Variants in RDH12 observed in about 807,000 individuals in gnomAD.
RDH12 encodes all-trans and 9-cis retinol dehydrogenase.
RDH12 carries 21 observed loss-of-function variants against 34.0 expected under a neutral mutation model. The ratio of observed to expected loss-of-function variants is 0.62; its 90% CI spans 0.44 to 0.89. The LOEUF (loss-of-function observed/expected upper bound fraction) is 0.89, where lower values mean the gene tolerates loss of function less well. Ranked by LOEUF, RDH12 falls within the 40% of genes least tolerant of loss-of-function variation. The pLI is 0.00. For synonymous variants in RDH12, 198 were observed against 169.9 expected (o/e 1.17, Z -1.29); for missense variants, 394 against 398.6 (o/e 0.99, Z 0.10).
intron 1 of RDH12, among the ~76,000 whole-genome samples, chr14:67,713,398 A>C (rs1594860707): frequency 5.8e-4 from 1 of 1,718 alleles, no homozygotes; most frequent in Non-Finnish European, 2.7e-3. Flanking sequence ...GTAAAACTCC[A>C]AAAAAAAAAA....
chr14:67,708,949 C>A (rs1318211644), intron 1 of RDH12, among the ~76,000 whole-genome samples: 1 of 152,050 alleles, frequency 6.6e-6, no homozygotes, highest in Non-Finnish European at 1.5e-5. Context: ...TGCGCCACCA[C>A]ACCCAGCTAA....
In RDH12 at chr14:67,725,102, C is replaced by A; in HGVS notation, c.191C>A (p.Ala64Asp). The change falls in exon 5 of 9, where the codon GCC becomes GAC. Residue 64 changes from alanine to aspartate, a missense_variant. Ala to Asp is a moderately radical substitution (Grantham distance 126). Coordinates refer to ENST00000551171, the MANE Select transcript of RDH12 (RefSeq NM_152443.3). ...TCTTTTTTTGTCTTGGACCCAGGAG[C>A]CCGAGTCTATATTGCCTGCAGAGAT... ...ETARELASRGARVYIACRDVL... is the reference protein window; with the variant it reads ...ETARELASRGDRVYIACRDVL... The A allele has an allele frequency of 6.2e-7, 1 of 1,614,156 alleles. No individual in the cohort carries two copies.
intron 1 of RDH12, among the ~76,000 whole-genome samples, chr14:67,709,213 A>T (rs1325881151): frequency 6.6e-6 from 1 of 152,260 alleles, no homozygotes; most frequent in African/African-American, 2.4e-5. Flanking sequence ...TTAATAGGTC[A>T]TTGTGAAATA....
chr14:67,724,151 T>C (rs1294425312), intron 3 of RDH12, among the ~76,000 whole-genome samples: 3 of 152,226 alleles, frequency 2.0e-5, no homozygotes, highest in African/African-American at 4.8e-5. Context: ...CTCTGGAACC[T>C]CTAGAGATAA....
At chr14:67,706,922 C>T (rs904086324) in intron 1 of RDH12, among the ~76,000 whole-genome samples, 1 of 152,194 alleles carries the variant, frequency 6.6e-6, no homozygotes, top group African/African-American at 2.4e-5. Context: ...TGTGAAGTCT[C>T]ATGTCCTATG....
chr14:67,719,113 G>A (rs1356557757), intron 1 of RDH12, among the ~76,000 whole-genome samples: 1 of 152,190 alleles, frequency 6.6e-6, no homozygotes, highest in African/African-American at 2.4e-5. Flanking sequence ...TCATATCGGA[G>A]TTATCCTTTT....
rs568731074 is a variant in RDH12, at chr14:67,724,594, A to G, written c.187+3A>G. The G allele has an allele frequency of 8.1e-6, 13 of 1,607,910 alleles. No homozygotes were observed. The African/African-American group carries it at 1.5e-4, about 18-fold the overall frequency. On this transcript the variant is annotated splice_donor_region_variant and intron_variant, in intron 4 of 8. Coordinates refer to ENST00000551171, the MANE Select transcript of RDH12 (RefSeq NM_152443.3). Reference sequence around the variant, plus strand: ...GGCCAGAGAGCTCGCTAGCCGAGGTAAGTGTTTCCCCTTTAGTCTCCAAAG... The same window carrying G: ...GGCCAGAGAGCTCGCTAGCCGAGGTGAGTGTTTCCCCTTTAGTCTCCAAAG...
chr14:67,732,664 C>T (rs1359214175), intron 8 of RDH12, among the ~76,000 whole-genome samples: 1 of 152,074 alleles, frequency 6.6e-6, no homozygotes, highest in East Asian at 1.9e-4. Flanking sequence ...GCAACCTCTG[C>T]CTCCTGGGTT....
intron 1 of RDH12, among the ~76,000 whole-genome samples, chr14:67,705,451 T>C (rs951662633): frequency 6.6e-6 from 1 of 152,202 alleles, no homozygotes; most frequent in Admixed American, 6.5e-5. Flanking sequence ...AGAAATGCTA[T>C]GTAAGCCATG....
At chr14:67,703,624 A>T (rs1035061536) in intron 1 of RDH12, among the ~76,000 whole-genome samples, 8 of 152,214 alleles carry the variant, frequency 5.3e-5, no homozygotes, top group African/African-American at 1.9e-4. Context: ...TAAGATGTGC[A>T]CAACAATGGG....
rs968245967 is a variant in RDH12, at chr14:67,710,751, C to T, written c.-275+8816C>T. 4.6e-5 allele frequency among the ~76,000 whole-genome samples: 7 copies of T among 150,932 alleles called. 1 individual carries two copies. Among genetic ancestry groups the T allele is most frequent in the African/African-American group, 1.7e-4 (7 of 41,072 alleles). Reference sequence around the variant, plus strand: ...CTTTTTTTTTTAGAAAGAACGTTTTCCTACAATTATATTTTTATTAGAAAA... The same window carrying T: ...CTTTTTTTTTTAGAAAGAACGTTTTTCTACAATTATATTTTTATTAGAAAA... On this transcript the variant is annotated intron_variant, in intron 1 of 8. Coordinates refer to ENST00000551171, the MANE Select transcript of RDH12 (RefSeq NM_152443.3).
At chr14:67,707,363 C>T (rs1025087374) in intron 1 of RDH12, among the ~76,000 whole-genome samples, 3 of 152,162 alleles carry the variant, frequency 2.0e-5, no homozygotes, top group African/African-American at 7.2e-5. Context: ...TTACTAAAGA[C>T]AAATTATGGT....
chr14:67,722,261 A>T (rs190796905), intron 2 of RDH12, among the ~76,000 whole-genome samples, 163 bp from the exon 3 acceptor site: 2 of 152,196 alleles, frequency 1.3e-5, no homozygotes, highest in Admixed American at 1.3e-4. Flanking sequence ...TATATATTCC[A>T]TCTTGCAGTA....
At chr14:67,716,801 T>C (rs1270352701) in intron 1 of RDH12, among the ~76,000 whole-genome samples, 2 of 151,868 alleles carry the variant, frequency 1.3e-5, no homozygotes, top group Admixed American at 1.3e-4. Context: ...GGAGAATTGC[T>C]TGGGCCCGGG....
intron 1 of RDH12, among the ~76,000 whole-genome samples, chr14:67,715,669 T>C (rs2140125621): frequency 1.3e-5 from 2 of 152,352 alleles, no homozygotes; most frequent in African/African-American, 4.8e-5. Context: ...AAGTATCTTC[T>C]GAAGGAGTGA....
intron 1 of RDH12, among the ~76,000 whole-genome samples, chr14:67,712,367 G>T (rs531537478): frequency 3.0e-4 from 45 of 151,838 alleles, no homozygotes; most frequent in African/African-American, 9.9e-4. Context: ...GTTGTTTTTT[G>T]TTTTTTAATA....
In RDH12 at chr14:67,733,946, C is replaced by A; in HGVS notation, c.*98C>A. On this transcript the variant is annotated 3_prime_UTR_variant, in exon 9 of 9. Coordinates refer to ENST00000551171, the MANE Select transcript of RDH12 (RefSeq NM_152443.3). ...CCTAAAGGATTGTCCTCTTGGCCAG[C>A]TGGTGCTGCGAATCCTGCCTGCTCT... 1 of 870,558 alleles carries A rather than the reference C, an allele frequency of 1.1e-6. No homozygotes were observed. The highest frequency in any genetic ancestry group is 1.9e-6 in the Non-Finnish European group (1 of 530,828). 53.9% of individuals were successfully genotyped at this position (870,558 alleles called of 1,614,324 possible).
chr14:67,724,426 A>G, intron 3 of RDH12, 47 bp from the exon 4 acceptor site: 1 of 1,057,658 alleles, frequency 9.5e-7, no homozygotes, highest in Non-Finnish European at 1.4e-6. Context: ...TCTTAGTGTG[A>G]GCTCGTGAAG....
At chr14:67,719,081 T>G (rs2038096691) in intron 1 of RDH12, among the ~76,000 whole-genome samples, 1 of 152,228 alleles carries the variant, frequency 6.6e-6, no homozygotes, top group Admixed American at 6.5e-5. Context: ...TAAGACTGTT[T>G]AGGAGAAGGA....
Sources: allele counts gnomAD v4.1 joint callset (sites outside exome capture counted in the v4.1 genomes callset), GRCh38; gene constraint gnomAD v4.1.1; transcripts MANE v1.5; gene names NCBI Gene and HGNC (gene_info 2026-07-23, HGNC 2026-07-21).